Variants in ANKRD26 observed in about 807,000 individuals in gnomAD.
The protein encoded by ANKRD26 is ankyrin repeat domain 26.
Under a neutral mutation model 208.7 loss-of-function variants are expected in ANKRD26, and 141 were observed. The ratio of observed to expected loss-of-function variants is 0.68; its 90% CI spans 0.59 to 0.78. The LOEUF (loss-of-function observed/expected upper bound fraction) is 0.78. Among genes scored for constraint, ANKRD26 ranks in the 30% least tolerant of loss-of-function variants. ANKRD26 has a pLI of 0.00. For missense variants in ANKRD26, 1,889 were observed against 1,938.7 expected (o/e 0.97, Z 0.48); for synonymous variants, 636 against 660.4 (o/e 0.96, Z 0.57).
In ANKRD26 at chr10:27,060,489, GATAAAA is replaced by G. The variant is rs753422155; in HGVS notation, c.1491+17_1491+22del. 6.4e-7 allele frequency: 1 copy of G among 1,563,000 alleles called. No individual in the cohort carries two copies. Among genetic ancestry groups the G allele is most frequent in the Non-Finnish European group, 8.8e-7 (1 of 1,136,580 alleles). On this transcript the variant is annotated intron_variant, in intron 14 of 33. Coordinates refer to ENST00000376087, the MANE Select transcript of ANKRD26 (RefSeq NM_014915.3). ...ATACAATATGCACTTAATAATTCAAGATAAAAATATAAAACTTATTACCTTCAAGTG... is the reference window on the plus strand; with the variant it reads ...ATACAATATGCACTTAATAATTCAAGATATAAAACTTATTACCTTCAAGTG...
intron 21 of ANKRD26, among the ~76,000 whole-genome samples, chr10:27,039,153 A>G (rs546873008): frequency 7.5e-4 from 114 of 152,208 alleles, no homozygotes; most frequent in African/African-American, 2.7e-3. Flanking sequence ...TCTTAAGAGT[A>G]AAGCTATAAA....
At chr10:26,971,009 G>A (rs1431229159), downstream of ANKRD26, among the ~76,000 whole-genome samples, 1 of 152,186 alleles carries the variant, frequency 6.6e-6, no homozygotes, top group Non-Finnish European at 1.5e-5. Flanking sequence ...CAGGAGTGGG[G>A]AACAGACTTG....
At chr10:27,009,810 T>G (rs1409757738) in intron 32 of ANKRD26, among the ~76,000 whole-genome samples, 1 of 152,212 alleles carries the variant, frequency 6.6e-6, no homozygotes, top group East Asian at 1.9e-4. Flanking sequence ...GTGGGGGTTA[T>G]GCTTCAGGTG....
At chr10:26,974,125 G>C (rs191220218) in exon 6 of ANKRD26, among the ~76,000 whole-genome samples, 339 of 152,032 alleles carry the variant, frequency 2.2e-3, no homozygotes, top group Non-Finnish European at 2.3e-3. Context: ...GAGTTAATAA[G>C]ACCTAAATTG....
chr10:27,091,438 C>T (rs1228312553), intron 4 of ANKRD26, among the ~76,000 whole-genome samples: 1 of 151,700 alleles, frequency 6.6e-6, no homozygotes, highest in Non-Finnish European at 1.5e-5. Flanking sequence ...TTGCCCATAC[C>T]AATTAAAAAT....
At chr10:26,977,680 G>A (rs577329269) in intron 5 of ANKRD26, among the ~76,000 whole-genome samples, 1 of 152,298 alleles carries the variant, frequency 6.6e-6, no homozygotes, top group Non-Finnish European at 1.5e-5. Flanking sequence ...TTGAGACAGA[G>A]ACACAAGTCC....
rs754587473 is a variant in ANKRD26, at chr10:27,022,647, C to T, written c.4126G>A (p.Glu1376Lys). 6.3e-7 allele frequency: 1 copy of T among 1,581,616 alleles called. No homozygotes were observed. Among genetic ancestry groups the T allele is most frequent in the South Asian group, 1.1e-5 (1 of 90,178 alleles). The change falls in exon 29 of 34, where the codon GAA (glutamate) becomes AAA (lysine). Residue 1376 changes from glutamate (E) to lysine (K), a missense_variant. By Grantham distance (56) the Glu-to-Lys change is moderately conservative. Coordinates refer to ENST00000376087, the MANE Select transcript of ANKRD26 (RefSeq NM_014915.3). ...AAACTAAATTCTCCATTTTCATATT[C>T]ATTTAACTTCTTTCTTGTCATTTTT... ...LLKMTRKKLN[E>K]YENGEFSFHG...
chr10:27,022,760 T>C, intron 28 of ANKRD26, 73 bp from the exon 29 acceptor site: 2 of 1,386,898 alleles, frequency 1.4e-6, no homozygotes, highest in Non-Finnish European at 2.0e-6. Context: ...AAACAGATAT[T>C]ATGTTTTAGC....
chr10:26,957,992 C>T, the ANKRD26 span, among the ~76,000 whole-genome samples: 3 of 151,598 alleles, frequency 2.0e-5, no homozygotes, highest in African/African-American at 4.8e-5. Flanking sequence ...TCAGGGGTAC[C>T]GGTGCAGGAT....
intron 30 of ANKRD26, among the ~76,000 whole-genome samples, chr10:27,015,176 G>C (rs1020496864): frequency 1.3e-5 from 2 of 152,156 alleles, no homozygotes; most frequent in African/African-American, 4.8e-5. Context: ...TAAAAATTTT[G>C]ATGTGATATT....
rs2056367733 is a variant in ANKRD26, at chr10:27,093,516, G to A, written c.364C>T (p.Gln122Ter). The A allele has an allele frequency of 6.2e-7, 1 of 1,613,998 alleles. No homozygotes were observed. The highest frequency in any genetic ancestry group is 8.5e-7 in the Non-Finnish European group (1 of 1,180,038). Reference protein sequence around the residue: ...ENRTALMKAVQCQEEKCATIL... With the variant: ...ENRTALMKAV ...GTTGCACATTTCTCTTCCTGGCATT[G>A]TACAGCCTGGGAGTATTAGACCAAG... The change falls in exon 3 of 34, where the codon CAA (glutamine) becomes TAA (stop). Residue 122 changes from glutamine to a stop codon, truncating the protein, a stop_gained. Coordinates refer to ENST00000376087, the MANE Select transcript of ANKRD26 (RefSeq NM_014915.3). LOFTEE classifies it high-confidence loss of function.
intron 20 of ANKRD26, among the ~76,000 whole-genome samples, chr10:27,041,758 A>G (rs1374156022): frequency 1.3e-5 from 2 of 152,170 alleles, no homozygotes; most frequent in African/African-American, 4.8e-5. Context: ...CAGCTAATAT[A>G]TAAGCCCCCA....
At chr10:26,972,234 CAAAA>C (rs749010461), downstream of ANKRD26, among the ~76,000 whole-genome samples, 3 of 61,022 alleles carry the variant, frequency 4.9e-5, no homozygotes, top group Non-Finnish European at 7.3e-5. Flanking sequence ...GACTCCGTCT[CAAAA>C]AAAAAAAAAA....
Position 27,060,414 on chromosome 10 carries a change from T to C in ANKRD26, c.1495A>G (p.Thr499Ala), listed in dbSNP as rs370398342. Residue 499 changes from threonine to alanine, a missense_variant, in exon 15 of 34, where the codon ACC (threonine) becomes GCC (alanine). This residue lies in a region of ANKRD26 where 1,272 missense variants were observed against 1,273.8 expected (regional missense o/e 1.00). Transcript: ENST00000376087. The stretch of plus-strand genomic sequence containing the variant: ...GGAACAGAATCTTTCATTTCAATGG[T>C]AGGCTGAATGGGTTTTGAAACAAAA... Reference protein sequence around the residue: ...SPERYLHLKPTIEMKDSVPNK... With the variant: ...SPERYLHLKPAIEMKDSVPNK... 6.2e-6 allele frequency: 10 copies of C among 1,611,830 alleles called. No homozygotes were observed. Among genetic ancestry groups the C allele is most frequent in the Non-Finnish European group, 8.5e-6 (10 of 1,178,120 alleles).
chr10:27,073,020 C>A (rs1589336478), intron 9 of ANKRD26, among the ~76,000 whole-genome samples: 1 of 152,260 alleles, frequency 6.6e-6, no homozygotes, highest in Middle Eastern at 3.4e-3. Flanking sequence ...GGTGGCTAGA[C>A]CCAGAGGAGC....
intron 26 of ANKRD26, 117 bp from the exon 27 acceptor site, chr10:27,029,062 G>C: frequency 9.5e-7 from 1 of 1,048,180 alleles, no homozygotes; most frequent in Non-Finnish European, 1.4e-6. Flanking sequence ...TTCAAAAGTA[G>C]GTGATTTGGC....
intron 9 of ANKRD26, among the ~76,000 whole-genome samples, chr10:27,068,875 A>T (rs548305216): frequency 6.6e-6 from 1 of 151,376 alleles, no homozygotes; most frequent in Non-Finnish European, 1.5e-5. Context: ...AAAAAAAAAA[A>T]GTGAATTGCA....
chr10:26,986,715 C>T (rs1419680830), intron 3 of ANKRD26, among the ~76,000 whole-genome samples: 1 of 152,208 alleles, frequency 6.6e-6, no homozygotes, highest in Non-Finnish European at 1.5e-5. Flanking sequence ...AAATGCAAAT[C>T]AAAACCACAA....
At position 27,035,561 on chromosome 10, in the gene ANKRD26, A is replaced by C; in HGVS notation, c.2889T>G (p.Asn963Lys). 6.2e-7 allele frequency: 1 copy of C among 1,613,778 alleles called. No individual in the cohort carries two copies. Among genetic ancestry groups the C allele is most frequent in the South Asian group, 1.1e-5 (1 of 91,050 alleles). The change falls in exon 24 of 34, where the codon AAT becomes AAG. Residue 963 changes from asparagine (N) to lysine (K), a missense_variant. Around this residue, in one of 3 missense-constraint regions of ANKRD26, gnomAD observed 1,272 missense variants for 1,273.8 expected, o/e 1.00. Transcript: ENST00000376087. ...ATATTGTTTGTGTTAATGTTTCCTC[A>C]TTCTGTTTTATAGTCTTCTGAAGGT... Reference protein sequence around the residue: ...NEDLQKTIKQNEETLTQTISQ... With the variant: ...NEDLQKTIKQKEETLTQTISQ...
Sources: allele counts gnomAD v4.1 joint callset (sites outside exome capture counted in the v4.1 genomes callset), GRCh38; gene constraint gnomAD v4.1.1; regional missense constraint gnomAD v4.1.1; transcripts MANE v1.5; gene names NCBI Gene and HGNC (gene_info 2026-07-23, HGNC 2026-07-21).